Variants in HIRA observed in about 807,000 individuals in gnomAD.
HIRA encodes histone cell cycle regulator, also known as protein HIRA.
A neutral mutation model predicts 126.6 loss-of-function variants in HIRA; 13 were observed. The ratio of observed to expected loss-of-function variants is 0.10; its 90% CI spans 0.07 to 0.16. HIRA has a LOEUF of 0.16. Ranked by LOEUF, HIRA falls within the 10% of genes least tolerant of loss-of-function variation. The pLI, the probability that HIRA is intolerant of heterozygous loss-of-function variation, is 1.00. For synonymous variants in HIRA, 511 were observed against 520.0 expected, an observed-to-expected ratio of 0.98 and a Z score of 0.24; for missense variants, 834 against 1,314.4, an observed-to-expected ratio of 0.63 and a Z score of 5.65.
chr22:19,398,586 T>C (rs191792622), intron 5 of HIRA, among the ~76,000 whole-genome samples: 63 of 152,346 alleles, frequency 4.1e-4, no homozygotes, highest in Admixed American at 1.2e-3. Flanking sequence ...TCCCAGACCC[T>C]GACAGGAGTA....
chr22:19,406,719 T>C (rs2089310819), intron 4 of HIRA, among the ~76,000 whole-genome samples: 1 of 152,052 alleles, frequency 6.6e-6, no homozygotes, highest in Non-Finnish European at 1.5e-5. Flanking sequence ...GGAGCAATAG[T>C]TTTCCAGGTG....
intron 5 of HIRA, among the ~76,000 whole-genome samples, chr22:19,403,338 G>A (rs1005338978): frequency 2.0e-5 from 3 of 152,068 alleles, no homozygotes; most frequent in Non-Finnish European, 4.4e-5. Context: ...GGCCGGTCAT[G>A]GTGACTCATG....
chr22:19,397,037 G>T (rs1325177897), intron 6 of HIRA, 90 bp from the exon 7 acceptor site: 3 of 1,222,312 alleles, frequency 2.5e-6, no homozygotes, highest in Admixed American at 1.9e-5. Flanking sequence ...GCAAGAGAGG[G>T]GACTCAGCAG....
chr22:19,393,742 T>C (rs889212866), intron 8 of HIRA, among the ~76,000 whole-genome samples: 1 of 152,210 alleles, frequency 6.6e-6, no homozygotes, highest in Non-Finnish European at 1.5e-5. Context: ...TCAACCTTAG[T>C]CCACCAATCT....
At chr22:19,373,823 GCTTAGA>G (rs1429624202) in intron 15 of HIRA, among the ~76,000 whole-genome samples, 1 of 151,786 alleles carries the variant, frequency 6.6e-6, no homozygotes, top group African/African-American at 2.4e-5. Flanking sequence ...CTCCTACATG[GCTTAGA>G]CCCCAGGCCT....
Position 19,331,314 on chromosome 22 carries a change from G to C in HIRA, c.*126C>G. 1 of 1,592,502 alleles carries C rather than the reference G, an allele frequency of 6.3e-7. No individual in the cohort carries two copies. Among genetic ancestry groups the C allele is most frequent in the Non-Finnish European group, 8.5e-7 (1 of 1,176,062 alleles). ...AGGGAGCTGGGCTGGCGCTGGTGCA[G>C]GACAGCACATCTCCTGCCAGTGTCT... On this transcript the variant is annotated 3_prime_UTR_variant, in exon 25 of 25. Transcript: ENST00000263208.
chr22:19,416,111 G>T (rs760992718), intron 1 of HIRA, among the ~76,000 whole-genome samples: 3 of 152,124 alleles, frequency 2.0e-5, no homozygotes, highest in Non-Finnish European at 4.4e-5. Flanking sequence ...TTGACAAGGG[G>T]CCAAGACCAT....
At chr22:19,389,060 C>T (rs530821844) in intron 9 of HIRA, among the ~76,000 whole-genome samples, 8 of 152,290 alleles carry the variant, frequency 5.3e-5, no homozygotes, top group South Asian at 2.1e-4. Flanking sequence ...GAAATACACA[C>T]CTGGGCCCTT....
Position 19,396,888 on chromosome 22 carries a change from C to T in HIRA, c.553G>A (p.Val185Ile). 1 of 1,614,228 alleles carries T rather than the reference C, an allele frequency of 6.2e-7. No homozygotes were observed. The highest frequency in any genetic ancestry group is 8.5e-7 in the Non-Finnish European group (1 of 1,180,030). ...GLVKGLTWDPVGKYIASQADD... is the reference protein window; with the variant it reads ...GLVKGLTWDPIGKYIASQADD... ...GCTTGAGAAGCTATGTATTTACCAA[C>T]AGGGTCCCATGTCAACCCTTTGACC... The change falls in exon 7 of 25, where the codon GTT (valine) becomes ATT (isoleucine). Residue 185 changes from valine (V) to isoleucine (I), a missense_variant. Transcript: ENST00000263208.
Position 19,361,887 on chromosome 22 carries a change from A to C in HIRA, c.1820T>G (p.Leu607Arg). 2 of 1,614,228 alleles carry C rather than the reference A, an allele frequency of 1.2e-6. No individual in the cohort carries two copies. The highest frequency in any genetic ancestry group is 1.7e-6 in the Non-Finnish European group (2 of 1,180,042). Residue 607 changes from leucine to arginine, a missense_variant, in exon 16 of 25, where the codon CTC (leucine) becomes CGC (arginine). This residue lies in a region of HIRA where 468 missense variants were observed against 574.2 expected (regional missense o/e 0.82). Coordinates refer to ENST00000263208, the MANE Select transcript of HIRA (RefSeq NM_003325.4). ...NLVKELRPRD[L>R]LESSSDSDEK... ...ATCGCTGTCACTGCTGCTCTCCAGG[A>C]GGTCTCGGGGCCTCAGCTCTTTCAC...
At chr22:19,361,120 TGG>T in intron 17 of HIRA, 115 bp downstream of exon 17, 1 of 785,476 alleles carries the variant, frequency 1.3e-6, no homozygotes. Context: ...CAGAAGGTGA[TGG>T]AGAGCCACTG....
At chr22:19,407,116 T>G in intron 4 of HIRA, 68 bp downstream of exon 4, 3 of 1,285,390 alleles carry the variant, frequency 2.3e-6, no homozygotes, top group Non-Finnish European at 3.4e-6. Context: ...TAGGGAAAGG[T>G]GACTTTGATA....
At chr22:19,419,962 A>G (rs1340665433) in intron 1 of HIRA, among the ~76,000 whole-genome samples, 3 of 152,156 alleles carry the variant, frequency 2.0e-5, no homozygotes, top group Admixed American at 6.5e-5. Context: ...AGCATGACAC[A>G]ATGACATCTC....
At chr22:19,366,500 C>CA (rs946824740) in intron 15 of HIRA, among the ~76,000 whole-genome samples, 4 of 152,134 alleles carry the variant, frequency 2.6e-5, no homozygotes, top group Non-Finnish European at 5.9e-5. Flanking sequence ...TCAACCTTAA[C>CA]AAGAGTTTGG....
At chr22:19,412,265 T>C (rs1331337490) in intron 1 of HIRA, among the ~76,000 whole-genome samples, 1 of 152,084 alleles carries the variant, frequency 6.6e-6, no homozygotes, top group Non-Finnish European at 1.5e-5. Flanking sequence ...CCCGGACAAG[T>C]GAGAATCAAG....
intron 24 of HIRA, among the ~76,000 whole-genome samples, chr22:19,340,320 T>C (rs1443516619): frequency 6.6e-6 from 1 of 151,996 alleles, no homozygotes; most frequent in African/African-American, 2.4e-5. Flanking sequence ...AAATCTAGCA[T>C]GCCTTCGATT....
At chr22:19,429,720 A>G (rs1406251500) in intron 1 of HIRA, among the ~76,000 whole-genome samples, 1 of 152,244 alleles carries the variant, frequency 6.6e-6, no homozygotes, top group East Asian at 1.9e-4. Context: ...ATGTTTACAT[A>G]GCATAAAACT....
chr22:19,348,663 T>C (rs2088717215), intron 24 of HIRA, among the ~76,000 whole-genome samples: 1 of 151,526 alleles, frequency 6.6e-6, no homozygotes, highest in Admixed American at 6.6e-5. Flanking sequence ...GCCTGGCTAA[T>C]TTTTTGTATT....
At chr22:19,427,173 G>C (rs771855108) in intron 1 of HIRA, among the ~76,000 whole-genome samples, 11 of 152,182 alleles carry the variant, frequency 7.2e-5, no homozygotes, top group Non-Finnish European at 1.6e-4. Flanking sequence ...ATGTTTAACA[G>C]ATTTGTCCCC....
Sources: gnomAD v4.1 joint callset for allele counts (sites outside exome capture counted in the v4.1 genomes callset) on GRCh38, gnomAD v4.1.1 for gene constraint, gnomAD v4.1.1 regional missense constraint, MANE v1.5 for transcripts, NCBI Gene and HGNC (gene_info 2026-07-23, HGNC 2026-07-21) for gene names.